FNDC3B: variants seen among roughly 807,000 people sequenced by gnomAD.
FNDC3B encodes the protein fibronectin type III domain containing 3B, also known as fibronectin type III domain-containing protein 3B.
A neutral mutation model predicts 151.5 loss-of-function variants in FNDC3B; 12 were observed. The ratio of observed to expected loss-of-function variants is 0.08; its 90% CI spans 0.05 to 0.13. FNDC3B has a LOEUF of 0.13. FNDC3B is among the 10% of genes least tolerant of loss of function. FNDC3B has a pLI of 1.00. For missense variants in FNDC3B, 1,214 were observed against 1,505.3 expected (o/e 0.81, Z 3.20); for synonymous variants, 528 against 549.0 (o/e 0.96, Z 0.54).
intron 4 of FNDC3B, among the ~76,000 whole-genome samples, chr3:172,241,575 A>AG (rs1320730641): frequency 6.6e-6 from 1 of 150,594 alleles, no homozygotes; most frequent in East Asian, 1.9e-4. Flanking sequence ...AAAAAAAAAA[A>AG]GAGCTTGTGC....
chr3:172,354,064 TA>T (rs1449274113), intron 22 of FNDC3B, among the ~76,000 whole-genome samples: 1 of 152,164 alleles, frequency 6.6e-6, no homozygotes, highest in African/African-American at 2.4e-5. Context: ...CTTTTTCTTT[TA>T]CATCTTGAAG....
intron 1 of FNDC3B, among the ~76,000 whole-genome samples, chr3:172,103,851 CTGTT>C (rs1206250052): frequency 6.6e-6 from 1 of 152,164 alleles, no homozygotes; most frequent in Non-Finnish European, 1.5e-5. Flanking sequence ...AAATTCCAGA[CTGTT>C]TGTGCCTCAA....
rs71179981 is a variant in FNDC3B at position 172,239,856 on chromosome 3, C to CTTTTT, written c.265-7651_265-7647dup. ...TGTTTTTAGGAGATCCATTTTAGTT[C>CTTTTT]TTTTTTTTTTTTTTTTTTTTTTTTT... On this transcript the variant is annotated intron_variant, in intron 4 of 25. Transcript: ENST00000415807. 8.0e-3 allele frequency among the ~76,000 whole-genome samples: 397 copies of CTTTTT among 49,932 alleles called. 73 individuals are homozygous for CTTTTT. The highest frequency in any genetic ancestry group is 9.5e-3 in the Non-Finnish European group (261 of 27,574). The allele number at this position is 49,932 out of a possible 152,430, so 32.8% of individuals were successfully genotyped here.
chr3:172,090,635 G>A (rs1718775296), intron 1 of FNDC3B, among the ~76,000 whole-genome samples: 1 of 151,984 alleles, frequency 6.6e-6, no homozygotes, highest in Non-Finnish European at 1.5e-5. Flanking sequence ...TGTTACTTAG[G>A]ATCCAGCTCA....
At chr3:172,089,219 A>G (rs1410196837) in intron 1 of FNDC3B, among the ~76,000 whole-genome samples, 2 of 152,242 alleles carry the variant, frequency 1.3e-5, no homozygotes, top group Admixed American at 6.5e-5. Context: ...AATTATTATT[A>G]CTTTACTAAT....
At chr3:172,261,906 G>A (rs1204621720) in intron 6 of FNDC3B, among the ~76,000 whole-genome samples, 1 of 152,168 alleles carries the variant, frequency 6.6e-6, no homozygotes, top group African/African-American at 2.4e-5. Context: ...CAGAAGAAGG[G>A]GACTTTCCAT....
chr3:172,185,327 T>C (rs985726255), intron 3 of FNDC3B, among the ~76,000 whole-genome samples: 6 of 152,170 alleles, frequency 3.9e-5, no homozygotes, highest in African/African-American at 1.2e-4. Flanking sequence ...ACTGTACCCA[T>C]TTATTGGCCT....
rs192818823 is a variant in FNDC3B, at chr3:172,232,028, G to A, written c.264+5081G>A. Among the ~76,000 whole-genome samples, 790 of 151,944 alleles carry A rather than the reference G, an allele frequency of 5.2e-3. 7 individuals are homozygous for A. Among genetic ancestry groups the A allele is most frequent in the Non-Finnish European group, 4.4e-3 (299 of 67,982 alleles). On this transcript the variant is annotated intron_variant, in intron 4 of 25. Transcript: ENST00000415807. ...CCCAAGGAGGTGGGATTACAGGCGC[G>A]CATCACCATGCCTGGCTAATTTTTA...
chr3:172,388,923 A>T (rs1426365569), intron 25 of FNDC3B, among the ~76,000 whole-genome samples: 1 of 152,154 alleles, frequency 6.6e-6, no homozygotes, highest in Non-Finnish European at 1.5e-5. Flanking sequence ...CCGTCCTAGG[A>T]GGTTGCTACA....
rs529188446 is a variant in FNDC3B at position 172,129,991 on chromosome 3, A to AGAGG, written c.112-3466_112-3463dup. Among the ~76,000 whole-genome samples the AGAGG allele has an allele frequency of 3.1e-3, 435 of 138,186 alleles. 2 individuals are homozygous for AGAGG. Among genetic ancestry groups the AGAGG allele is most frequent in the Non-Finnish European group, 3.9e-3 (248 of 64,264 alleles). 90.7% of individuals were successfully genotyped at this position (138,186 alleles called of 152,430 possible). A position where few individuals can be genotyped will look rare whatever the true frequency, so the allele number is the denominator to read the frequency against. ...TTATATTTCTGCTTTGTGGTTGGGG[A>AGAGG]GAGGGAGGGAGGGAGGGGGAGAGAG... is the stretch of plus-strand genomic sequence containing the variant. On this transcript the variant is annotated intron_variant, in intron 2 of 25. Coordinates refer to ENST00000415807, the MANE Select transcript of FNDC3B (RefSeq NM_022763.4).
intron 21 of FNDC3B, among the ~76,000 whole-genome samples, chr3:172,349,687 G>T (rs1005433942): frequency 6.6e-6 from 1 of 151,790 alleles, no homozygotes; most frequent in African/African-American, 2.4e-5. Context: ...ATGGAGTCAC[G>T]CTCTGTCACC....
At chr3:172,327,694 G>A (rs1017946348) in intron 11 of FNDC3B, among the ~76,000 whole-genome samples, 1 of 152,212 alleles carries the variant, frequency 6.6e-6, no homozygotes, top group African/African-American at 2.4e-5. Context: ...GTGAGCCACC[G>A]CGCCCGGCCA....
intron 13 of FNDC3B, 40 bp from the exon 14 acceptor site, chr3:172,333,048 AT>A (rs1360426456): frequency 7.4e-7 from 1 of 1,346,386 alleles, no homozygotes; most frequent in East Asian, 2.3e-5. Flanking sequence ...AATGCCCAGA[AT>A]TTTTTATACT....
chr3:172,212,860 C>G (rs908513724), intron 3 of FNDC3B, among the ~76,000 whole-genome samples: 6 of 152,192 alleles, frequency 3.9e-5, no homozygotes, highest in African/African-American at 1.4e-4. Flanking sequence ...AGTGACCAGC[C>G]TCTGGATTCC....
At chr3:172,295,775 T>C (rs1413899938) in intron 8 of FNDC3B, among the ~76,000 whole-genome samples, 4 of 152,224 alleles carry the variant, frequency 2.6e-5, no homozygotes, top group Non-Finnish European at 4.4e-5. Context: ...TAATGAAAAC[T>C]TTCTGTTAAT....
At chr3:172,234,382 A>AAT (rs1464271397) in intron 4 of FNDC3B, among the ~76,000 whole-genome samples, 1 of 152,194 alleles carries the variant, frequency 6.6e-6, no homozygotes, top group Non-Finnish European at 1.5e-5. Context: ...CCCAGCACAT[A>AAT]ATAGGCATTT....
intron 16 of FNDC3B, among the ~76,000 whole-genome samples, chr3:172,339,183 G>A (rs558047086): frequency 6.6e-6 from 1 of 152,106 alleles, no homozygotes; most frequent in Non-Finnish European, 1.5e-5. Context: ...AAGTCTGTTG[G>A]TTCCTATTTT....
intron 21 of FNDC3B, among the ~76,000 whole-genome samples, chr3:172,349,161 G>A (rs1367142119): frequency 2.6e-5 from 4 of 151,972 alleles, no homozygotes; most frequent in Non-Finnish European, 5.9e-5. Flanking sequence ...CCAGGCATCT[G>A]TAGTCCCAGC....
chr3:172,044,364 G>T (rs1176534524), intron 1 of FNDC3B, among the ~76,000 whole-genome samples: 1 of 144,100 alleles, frequency 6.9e-6, no homozygotes, highest in Non-Finnish European at 1.5e-5. Flanking sequence ...GGATTTTTAA[G>T]AGGCAACTGC....
Sources: allele counts gnomAD v4.1 joint callset (sites outside exome capture counted in the v4.1 genomes callset), GRCh38; gene constraint gnomAD v4.1.1; transcripts MANE v1.5; gene names NCBI Gene and HGNC (gene_info 2026-07-23, HGNC 2026-07-21).